DLC1: variants seen among roughly 807,000 people sequenced by gnomAD.
The protein encoded by DLC1 is DLC1 Rho GTPase activating protein.
In DLC1, 54 loss-of-function variants were observed where a neutral mutation model predicts 140.3. The observed-to-expected ratio is 0.38, with a 90% confidence interval of 0.31 to 0.48. The LOEUF is 0.48. Ranked by LOEUF, DLC1 falls within the 20% of genes least tolerant of loss-of-function variation. The pLI is 0.96. For synonymous variants in DLC1, 986 were observed against 728.1 expected (o/e 1.35, Z -5.70); for missense variants, 2,536 against 1,907.0 (o/e 1.33, Z -6.14).
rs1025532807 is a variant in DLC1 at position 13,095,197 on chromosome 8, G to C, written c.3216C>G (p.Asp1072Glu). 3 of 1,614,202 alleles carry C rather than the reference G, an allele frequency of 1.9e-6. No individual in the cohort carries two copies. Among genetic ancestry groups the C allele is most frequent in the African/African-American group, 1.3e-5 (1 of 75,058 alleles). The change falls in exon 11 of 18, where the codon GAC becomes GAG. Residue 1072 changes from aspartate to glutamate, a missense_variant. By Grantham distance (45) the Asp-to-Glu change is conservative. Coordinates refer to ENST00000276297, the MANE Select transcript of DLC1 (RefSeq NM_182643.3). ...TCAGTGGGACCCCAAACACACTCCG[G>C]TCCTTGTAGTCTGGAACCTTGATCC... is the stretch of plus-strand genomic sequence containing the variant. ...MKRIKVPDYK[D>E]RSVFGVPLTV...
chr8:13,453,528 GTA>G (rs1401129250), intron 2 of DLC1, among the ~76,000 whole-genome samples: 1 of 31,938 alleles, frequency 3.1e-5, no homozygotes, highest in Non-Finnish European at 5.0e-5. Context: ...ATATATATAT[GTA>G]TATATATACA....
intron 5 of DLC1, among the ~76,000 whole-genome samples, chr8:13,160,963 C>T (rs1824645034): frequency 6.6e-6 from 1 of 152,130 alleles, no homozygotes; most frequent in South Asian, 2.1e-4. Context: ...TACCTGTATT[C>T]CCAGCTACTT....
At chr8:13,441,500 C>A (rs935369506) in intron 2 of DLC1, among the ~76,000 whole-genome samples, 3 of 152,224 alleles carry the variant, frequency 2.0e-5, no homozygotes, top group Admixed American at 2.0e-4. Context: ...GGATAGGCAA[C>A]TTCAGCAAAG....
At chr8:13,324,646 T>G (rs1314971553) in intron 4 of DLC1, among the ~76,000 whole-genome samples, 2 of 152,162 alleles carry the variant, frequency 1.3e-5, no homozygotes, top group African/African-American at 4.8e-5. Flanking sequence ...TTTTCTTCTT[T>G]GTGCTAACCT....
At chr8:13,323,488 A>C (rs1833209848) in intron 4 of DLC1, among the ~76,000 whole-genome samples, 1 of 152,010 alleles carries the variant, frequency 6.6e-6, no homozygotes, top group African/African-American at 2.4e-5. Context: ...CTTTATTATT[A>C]TTTTCTTGCA....
chr8:13,134,235 G>T (rs1822382442), intron 5 of DLC1, among the ~76,000 whole-genome samples: 1 of 152,204 alleles, frequency 6.6e-6, no homozygotes, highest in Non-Finnish European at 1.5e-5. Flanking sequence ...TGGATTCCAT[G>T]AAAATTTACT....
chr8:13,166,219 T>C (rs1185699256), intron 5 of DLC1, among the ~76,000 whole-genome samples: 1 of 152,214 alleles, frequency 6.6e-6, no homozygotes, highest in Non-Finnish European at 1.5e-5. Flanking sequence ...CAGCACATTT[T>C]CTCTCTGCAG....
intron 4 of DLC1, among the ~76,000 whole-genome samples, chr8:13,366,130 G>A (rs896759878): frequency 3.3e-5 from 5 of 152,168 alleles, no homozygotes; most frequent in Admixed American, 1.3e-4. Flanking sequence ...AAGCCTCTAC[G>A]GCTCGTCCAG....
At chr8:13,401,233 T>C (rs1031255464) in intron 3 of DLC1, among the ~76,000 whole-genome samples, 4 of 152,266 alleles carry the variant, frequency 2.6e-5, no homozygotes, top group Admixed American at 2.0e-4. Context: ...CTTTCCTTCC[T>C]GTTTAATGAT....
At chr8:13,093,164 T>C (rs1351366722) in intron 12 of DLC1, among the ~76,000 whole-genome samples, 1 of 151,880 alleles carries the variant, frequency 6.6e-6, no homozygotes, top group Non-Finnish European at 1.5e-5. Context: ...AAAAAATCCC[T>C]AATTTATCAA....
intron 2 of DLC1, among the ~76,000 whole-genome samples, chr8:13,482,452 C>G (rs1334869033): frequency 6.6e-6 from 1 of 152,154 alleles, no homozygotes; most frequent in Non-Finnish European, 1.5e-5. Flanking sequence ...TGCTGTCTGA[C>G]TAGAAGTGTC....
At chr8:13,194,344 G>T (rs1452797640) in intron 5 of DLC1, among the ~76,000 whole-genome samples, 1 of 152,200 alleles carries the variant, frequency 6.6e-6, no homozygotes, top group African/African-American at 2.4e-5. Context: ...AGCTGAGTGG[G>T]CAGCTATGAA....
chr8:13,579,358 T>TAC (rs1804979286), intron 1 of DLC1, among the ~76,000 whole-genome samples: 5 of 41,650 alleles, frequency 1.2e-4, no homozygotes, highest in African/African-American at 4.1e-4. Context: ...TATATATATA[T>TAC]ATATTTTTAT....
intron 6 of DLC1, among the ~76,000 whole-genome samples, chr8:13,114,167 G>C (rs886114432): frequency 6.6e-6 from 1 of 152,202 alleles, no homozygotes; most frequent in Non-Finnish European, 1.5e-5. Flanking sequence ...TTCACGACCA[G>C]CTTGGCCAAC....
intron 5 of DLC1, chr8:13,133,318 C>G (rs1022141799): frequency 4.2e-6 from 5 of 1,197,622 alleles, no homozygotes; most frequent in South Asian, 2.2e-5. Context: ...CAGCCGGGCC[C>G]TCCCGCTGGG....
intron 5 of DLC1, among the ~76,000 whole-genome samples, chr8:13,213,893 C>T (rs192144359): frequency 8.4e-4 from 128 of 151,952 alleles, no homozygotes; most frequent in South Asian, 7.3e-3. Flanking sequence ...AAGCGATTCT[C>T]ATGCCTCAGC....
At chr8:13,091,218 G>C in intron 14 of DLC1, 100 bp downstream of exon 14, 1 of 1,090,182 alleles carries the variant, frequency 9.2e-7, no homozygotes, top group Non-Finnish European at 1.4e-6. Flanking sequence ...TCCAGCTGTG[G>C]AAAAGGTCTT....
At chr8:13,120,061 G>C (rs574443412) in intron 5 of DLC1, among the ~76,000 whole-genome samples, 65 of 151,972 alleles carry the variant, frequency 4.3e-4, no homozygotes, top group African/African-American at 1.3e-3. Flanking sequence ...GTATGTAACA[G>C]CTTGGGCATG....
intron 5 of DLC1, among the ~76,000 whole-genome samples, chr8:13,131,487 G>C (rs904465073): frequency 1.3e-5 from 2 of 152,128 alleles, no homozygotes; most frequent in African/African-American, 4.8e-5. Context: ...TCTGAATCCT[G>C]AGAATGAATC....
Sources: gnomAD v4.1 joint callset for allele counts (sites outside exome capture counted in the v4.1 genomes callset) on GRCh38, gnomAD v4.1.1 for gene constraint, MANE v1.5 for transcripts, NCBI Gene and HGNC (gene_info 2026-07-23, HGNC 2026-07-21) for gene names.